Variants in SEL1L3 observed in about 807,000 individuals in gnomAD.
SEL1L3 encodes the protein protein sel-1 homolog 3.
A neutral mutation model predicts 142.8 loss-of-function variants in SEL1L3; 76 were observed. The observed-to-expected ratio is 0.53, with a 90% CI of 0.44 to 0.64. The LOEUF (loss-of-function observed/expected upper bound fraction) is 0.64. Among genes scored for constraint, SEL1L3 ranks in the 30% least tolerant of loss-of-function variants. SEL1L3 has a pLI of 0.00. For missense variants in SEL1L3, 1,262 were observed against 1,381.7 expected (o/e 0.91, Z 1.37); for synonymous variants, 504 against 519.6 (o/e 0.97, Z 0.41).
Position 25,830,110 on chromosome 4 carries a change from T to C in SEL1L3, c.1145A>G (p.Asn382Ser), listed in dbSNP as rs375684501. 2.5e-6 allele frequency: 4 copies of C among 1,609,912 alleles called. No homozygotes were observed. Among genetic ancestry groups the C allele is most frequent in the Non-Finnish European group, 3.4e-6 (4 of 1,176,474 alleles). ...AAATCGCACTTACCTAATGGTCTGATTGTGGTAGCTTTTCAAATCCTGTCC... is the reference window on the plus strand; with the variant it reads ...AAATCGCACTTACCTAATGGTCTGACTGTGGTAGCTTTTCAAATCCTGTCC... ...SIGQDLKSYH[N>S]QTISFREDFH... Residue 382 changes from asparagine (N) to serine (S), a missense_variant, in exon 6 of 24, where the codon AAT becomes AGT. Asn to Ser is a conservative substitution (Grantham distance 46). Around this residue, in one of 3 missense-constraint regions of SEL1L3, gnomAD observed 689 missense variants for 692.8 expected, o/e 0.99. Coordinates refer to ENST00000399878, the MANE Select transcript of SEL1L3 (RefSeq NM_015187.5).
At chr4:25,743,143 A>G (rs1305756779), downstream of SEL1L3, among the ~76,000 whole-genome samples, 1 of 152,240 alleles carries the variant, frequency 6.6e-6, no homozygotes, top group Non-Finnish European at 1.5e-5. Flanking sequence ...CTTGCCATGC[A>G]ACAATGAAAG....
intron 2 of SEL1L3, among the ~76,000 whole-genome samples, chr4:25,843,546 C>T (rs564304313): frequency 1.1e-4 from 17 of 152,186 alleles, no homozygotes; most frequent in Non-Finnish European, 1.8e-4. Flanking sequence ...GTGACTCCAG[C>T]GTGAGTCAGG....
chr4:25,758,171 A>G (rs1718123198), intron 21 of SEL1L3, among the ~76,000 whole-genome samples: 1 of 152,220 alleles, frequency 6.6e-6, no homozygotes, highest in Non-Finnish European at 1.5e-5. Context: ...CATCTTTCAA[A>G]AAAGCATTGG....
At chr4:25,771,950 CT>C (rs1719247865) in intron 17 of SEL1L3, among the ~76,000 whole-genome samples, 1 of 152,144 alleles carries the variant, frequency 6.6e-6, no homozygotes, top group African/African-American at 2.4e-5. Flanking sequence ...CCATATAAAT[CT>C]TGGAACAACA....
At chr4:25,725,736 T>G in the SEL1L3 span, among the ~76,000 whole-genome samples, 1 of 152,196 alleles carries the variant, frequency 6.6e-6, no homozygotes, top group African/African-American at 2.4e-5. Context: ...CCTTTTAGAC[T>G]CTCTTAGGTC....
intron 11 of SEL1L3, among the ~76,000 whole-genome samples, chr4:25,796,791 A>C (rs1712791563): frequency 6.6e-6 from 1 of 152,118 alleles, no homozygotes; most frequent in Non-Finnish European, 1.5e-5. Context: ...AAAACAAAAA[A>C]ACAAAAACAA....
chr4:25,780,901 C>T (rs1025011268), intron 15 of SEL1L3, among the ~76,000 whole-genome samples: 5 of 151,012 alleles, frequency 3.3e-5, no homozygotes, highest in Admixed American at 1.3e-4. Context: ...TCTTAGCTCA[C>T]TACAACCTCT....
chr4:25,810,745 C>T (rs1325343698), intron 9 of SEL1L3, among the ~76,000 whole-genome samples: 1 of 152,120 alleles, frequency 6.6e-6, no homozygotes, highest in Non-Finnish European at 1.5e-5. Flanking sequence ...TGGTGAACTA[C>T]GGGCCACAGC....
At position 25,788,454 on chromosome 4, in the gene SEL1L3, C is replaced by T. The variant is rs1255841949; in HGVS notation, c.2077-90G>A. ...AAGGTGGGAGAGCAAACCTACTTTACGATGTTTTAGATTGAGAACCAAGGA... is the reference window on the plus strand; with the variant it reads ...AAGGTGGGAGAGCAAACCTACTTTATGATGTTTTAGATTGAGAACCAAGGA... On this transcript the variant is annotated intron_variant, in intron 12 of 23. Transcript: ENST00000399878. This position sits in a 1 kb window ranked among gnomAD's most constrained non-coding sequence, Gnocchi z 5.3. 8 of 1,374,460 alleles carry T rather than the reference C, an allele frequency of 5.8e-6. No homozygotes were observed. The highest frequency in any genetic ancestry group is 1.8e-4 in the Middle Eastern group (1 of 5,458). 85.1% of individuals were successfully genotyped at this position (1,374,460 alleles called of 1,614,324 possible).
At position 25,803,790 on chromosome 4, in the gene SEL1L3, T is replaced by TG. The variant is rs200757997; in HGVS notation, c.1776+750_1776+751insC. On this transcript the variant is annotated intron_variant, in intron 10 of 23. Coordinates refer to ENST00000399878, the MANE Select transcript of SEL1L3 (RefSeq NM_015187.5). ...TCAGGGTTTTTTATATGTTTTTTTT[T>TG]TTGTTGTTGTTTTGGTTTTTTTCCT... is the stretch of plus-strand genomic sequence containing the variant. Among the ~76,000 whole-genome samples the TG allele has an allele frequency of 2.7e-3, 408 of 152,060 alleles. 4 individuals are homozygous for TG. Among genetic ancestry groups the TG allele is most frequent in the African/African-American group, 9.1e-3 (377 of 41,462 alleles).
chr4:25,752,146 G>C (rs1717641202), intron 23 of SEL1L3, among the ~76,000 whole-genome samples: 1 of 150,836 alleles, frequency 6.6e-6, no homozygotes, highest in Admixed American at 6.6e-5. Context: ...GCAAGGTGCG[G>C]TGGCTAACGC....
At chr4:25,758,425 C>T (rs780154682) in intron 21 of SEL1L3, among the ~76,000 whole-genome samples, 2 of 152,122 alleles carry the variant, frequency 1.3e-5, no homozygotes, top group Non-Finnish European at 2.9e-5. Context: ...GAGCTGAGAT[C>T]GCACCACTGC....
chr4:25,804,769 T>A lies in SEL1L3; in HGVS notation c.1565-17A>T. Reference sequence around the variant, plus strand: ...TCCTTGGCACTGTAAATAACACAATTCAGAGCACACACAATTAATTACCAT... The same window carrying A: ...TCCTTGGCACTGTAAATAACACAATACAGAGCACACACAATTAATTACCAT... On this transcript the variant is annotated splice_polypyrimidine_tract_variant and intron_variant, in intron 9 of 23. Transcript: ENST00000399878. The A allele has an allele frequency of 6.5e-7, 1 of 1,535,880 alleles. No homozygotes were observed. Among genetic ancestry groups the A allele is most frequent in the South Asian group, 1.1e-5 (1 of 89,406 alleles).
chr4:25,748,281 A>T lies in SEL1L3; in HGVS notation c.*144T>A, dbSNP rs1023796032. The T allele has an allele frequency of 2.3e-5, 17 of 749,440 alleles. No individual in the cohort carries two copies. Among genetic ancestry groups the T allele is most frequent in the Admixed American group, 3.0e-5 (1 of 33,528 alleles). 46.4% of individuals were successfully genotyped at this position (749,440 alleles called of 1,614,324 possible). ...GGGTACTTCCTTGTAATTTGACTTT[A>T]AAAAAAATGACACCAATTGCAAAAT... On this transcript the variant is annotated 3_prime_UTR_variant, in exon 24 of 24. Coordinates refer to ENST00000399878, the MANE Select transcript of SEL1L3 (RefSeq NM_015187.5).
chr4:25,804,793 A>C, intron 9 of SEL1L3, 41 bp from the exon 10 acceptor site: 1 of 1,374,302 alleles, frequency 7.3e-7, no homozygotes, highest in Non-Finnish European at 1.0e-6. Flanking sequence ...ATTAATTACC[A>C]TGGGATCGAT....
At chr4:25,786,182 G>A (rs1469125572) in intron 13 of SEL1L3, among the ~76,000 whole-genome samples, 1 of 152,182 alleles carries the variant, frequency 6.6e-6, no homozygotes, top group East Asian at 1.9e-4. Context: ...ATGAACCACA[G>A]CTGCCATCTT....
chr4:25,758,048 C>A (rs574918122), intron 21 of SEL1L3, among the ~76,000 whole-genome samples: 1 of 152,282 alleles, frequency 6.6e-6, no homozygotes, highest in East Asian at 1.9e-4. Context: ...GTCTGTTCTG[C>A]TGTGATGACA....
chr4:25,827,479 G>C (rs191687282), intron 6 of SEL1L3, among the ~76,000 whole-genome samples: 11 of 152,318 alleles, frequency 7.2e-5, no homozygotes, highest in African/African-American at 2.2e-4. Context: ...TCTGTCCCTT[G>C]TACCTTCATG....
chr4:25,779,143 A>G lies in SEL1L3; in HGVS notation c.2518T>C (p.Trp840Arg). ...AQGGHMEGTL[W>R]CSLYYITGNL... is the part of the protein sequence containing the mutation. Reference sequence around the variant, plus strand: ...CCTGTGATATAGTAGAGAGAACACCACAAGGTCCCTTCCATGTGTCCACCT... The same window carrying G: ...CCTGTGATATAGTAGAGAGAACACCGCAAGGTCCCTTCCATGTGTCCACCT... Residue 840 changes from tryptophan (W) to arginine (R), a missense_variant, in exon 16 of 24, where the codon TGG (tryptophan) becomes CGG (arginine). Around this residue, in one of 3 missense-constraint regions of SEL1L3, gnomAD observed 435 missense variants for 559.2 expected, o/e 0.78. Coordinates refer to ENST00000399878, the MANE Select transcript of SEL1L3 (RefSeq NM_015187.5). The G allele has an allele frequency of 6.2e-7, 1 of 1,613,690 alleles. No homozygotes were observed. Among genetic ancestry groups the G allele is most frequent in the South Asian group, 1.1e-5 (1 of 91,064 alleles).
Sources: allele counts gnomAD v4.1 joint callset (sites outside exome capture counted in the v4.1 genomes callset), GRCh38; gene constraint gnomAD v4.1.1; regional missense constraint gnomAD v4.1.1; non-coding constraint Gnocchi (gnomAD v3.1); transcripts MANE v1.5; gene names NCBI Gene and HGNC (gene_info 2026-07-23, HGNC 2026-07-21).